POLG2: variants seen among roughly 807,000 people sequenced by gnomAD.
POLG2 encodes DNA polymerase subunit gamma-2.
POLG2 carries 50 observed loss-of-function variants against 56.5 expected under a neutral mutation model. That is an observed-to-expected ratio of 0.88 (90% CI 0.71 to 1.12). The LOEUF (loss-of-function observed/expected upper bound fraction) is 1.12, where lower values mean the gene tolerates loss of function less well. Ranked by LOEUF, POLG2 falls within the 50% of genes most tolerant of loss-of-function variation. POLG2 has a pLI of 0.00. For missense variants in POLG2, 584 were observed against 583.3 expected, an observed-to-expected ratio of 1.00 and a Z score of -0.01; for synonymous variants, 226 against 222.6, an observed-to-expected ratio of 1.02 and a Z score of -0.14.
chr17:64,488,072 T>C (rs1231658945), intron 4 of POLG2, among the ~76,000 whole-genome samples: 1 of 151,370 alleles, frequency 6.6e-6, no homozygotes, highest in Non-Finnish European at 1.5e-5. Flanking sequence ...AGATACAAAA[T>C]GGCCTAAGAG....
chr17:64,486,951 T>C (rs1460304698), intron 4 of POLG2: 1 of 152,242 alleles, frequency 6.6e-6, no homozygotes, highest in African/African-American at 2.4e-5. Context: ...ATTTCAATCC[T>C]AGAAATTTCT....
rs782099315 is a variant in POLG2 at position 64,496,519 on chromosome 17, T to G, written c.450A>C (p.Ala150=). ...CTTGCAAGATTTCGCGTAGAGTTTC[T>G]GCAGAAACTAACCTGAAGGCACTGT... ...PGDSAFRLVS[A]ETLREILQDK... Residue 150 remains alanine, a synonymous_variant, in exon 1 of 8, where the codon GCA becomes GCC. Coordinates refer to ENST00000539111, the MANE Select transcript of POLG2 (RefSeq NM_007215.4). 3 of 1,613,700 alleles carry G rather than the reference T, an allele frequency of 1.9e-6. No homozygotes were observed. In the South Asian group the frequency reaches 3.3e-5, roughly 18 times the overall value.
intron 1 of POLG2, among the ~76,000 whole-genome samples, chr17:64,494,461 G>T (rs2038116450): frequency 1.3e-5 from 2 of 152,092 alleles, no homozygotes; most frequent in Admixed American, 6.6e-5. Context: ...GATGACTGTT[G>T]CTTGAATCAA....
At chr17:64,483,703 A>G (rs1269007002) in intron 5 of POLG2, among the ~76,000 whole-genome samples, 1 of 150,476 alleles carries the variant, frequency 6.6e-6, no homozygotes, top group African/African-American at 2.4e-5. Context: ...AATGAAAAAA[A>G]TTTTTAAATG....
In POLG2 at chr17:64,497,001, T is replaced by C. The variant is rs1470283663; in HGVS notation, c.-33A>G. The C allele has an allele frequency of 2.5e-6, 4 of 1,578,810 alleles. No homozygotes were observed. The highest frequency in any genetic ancestry group is 1.1e-5 in the South Asian group (1 of 90,610). On this transcript the variant is annotated 5_prime_UTR_variant, in exon 1 of 8. The change abolishes an upstream ATG in the 5' untranslated region. Transcript: ENST00000539111. ...CGAAGTTAAAGAGCACACTCTCCCA[T>C]CACTCAACGGATCCCAACAAGCCAC... is the stretch of plus-strand genomic sequence containing the variant.
chr17:64,488,865 G>A (rs2038003979), intron 4 of POLG2, among the ~76,000 whole-genome samples: 1 of 152,088 alleles, frequency 6.6e-6, no homozygotes, highest in South Asian at 2.1e-4. Flanking sequence ...CTACTCAGGA[G>A]GCTGAGGCAG....
chr17:64,481,168 G>C (rs1386479499), intron 6 of POLG2: 2 of 558,642 alleles, frequency 3.6e-6, no homozygotes, highest in Non-Finnish European at 4.5e-6. Context: ...AATCTCTCCA[G>C]ACATTACTAA....
intron 1 of POLG2, among the ~76,000 whole-genome samples, chr17:64,496,064 T>C (rs8069026): frequency 0.28 from 42,422 of 152,238 alleles, 11,426 homozygotes; most frequent in African/African-American, 0.7. Context: ...TTCAACATTT[T>C]TACTTAGAAT....
At chr17:64,483,568 TCA>T (rs1289637483) in intron 5 of POLG2, among the ~76,000 whole-genome samples, 2 of 150,994 alleles carry the variant, frequency 1.3e-5, no homozygotes, top group African/African-American at 4.9e-5. Flanking sequence ...GACAACTCCC[TCA>T]GTCAAAATGC....
At chr17:64,491,612 C>T (rs1011241036) in intron 3 of POLG2, 7 of 1,531,610 alleles carry the variant, frequency 4.6e-6, no homozygotes, top group Non-Finnish European at 6.3e-6. Context: ...GGGACTTCAG[C>T]CCTAGTGGCC....
chr17:64,494,777 C>A (rs1555669160), intron 1 of POLG2, among the ~76,000 whole-genome samples: 1 of 152,180 alleles, frequency 6.6e-6, no homozygotes, highest in African/African-American at 2.4e-5. Context: ...TCAAGCAATT[C>A]TTTGCTTTTT....
rs2037885672 is a variant in POLG2 at position 64,482,902 on chromosome 17, AAACTCATTT to A, written c.1191+8_1191+16del. The A allele has an allele frequency of 3.7e-5, 50 of 1,352,358 alleles. No individual in the cohort carries two copies. The highest frequency in any genetic ancestry group is 9.5e-5 in the African/African-American group (5 of 52,460). The allele number at this position is 1,352,358 out of a possible 1,614,324, so 83.8% of individuals were successfully genotyped here. Reference sequence around the variant, plus strand: ...TCAATCTGTAATTAAAATGACATTTAAACTCATTTAACTCACCTGTCTTAGTTCCAATGT... The same window carrying A: ...TCAATCTGTAATTAAAATGACATTTAAACTCACCTGTCTTAGTTCCAATGT... On this transcript the variant is annotated splice_region_variant and intron_variant, in intron 6 of 7. Transcript: ENST00000539111.
chr17:64,489,020 TTC>T (rs1363337147), intron 4 of POLG2, among the ~76,000 whole-genome samples: 3 of 151,072 alleles, frequency 2.0e-5, no homozygotes, highest in Admixed American at 6.6e-5. Context: ...TATATATTTT[TTC>T]TTTTTCTTTT....
At position 64,477,969 on chromosome 17, in the gene POLG2, G is replaced by C; in HGVS notation, c.1312C>G (p.Leu438Val). The C allele has an allele frequency of 2.5e-6, 4 of 1,613,858 alleles. No individual in the cohort carries two copies. Among genetic ancestry groups the C allele is most frequent in the Non-Finnish European group, 3.4e-6 (4 of 1,179,888 alleles). The change falls in exon 8 of 8, where the codon CTC becomes GTC. Residue 438 changes from leucine (L) to valine (V), a missense_variant. Leu to Val is a conservative substitution (Grantham distance 32). Transcript: ENST00000539111. Reference sequence around the variant, plus strand: ...GTTTCAGTAACCAAAACTGTGAAGAGAATACTCATTTCATCATACCTAAGA... The same window carrying C: ...GTTTCAGTAACCAAAACTGTGAAGACAATACTCATTTCATCATACCTAAGA... The part of the protein sequence containing the change: ...LYSKYDEMSI[L>V]FTVLVTETTL...
At chr17:64,485,938 A>C in intron 4 of POLG2, 70 bp from the exon 5 acceptor site, 14 of 1,473,554 alleles carry the variant, frequency 9.5e-6, no homozygotes, top group Non-Finnish European at 1.2e-5. Flanking sequence ...TTTGAGACGG[A>C]GTCTCACTCT....
At chr17:64,491,718 G>A (rs1280376320) in intron 3 of POLG2, 4 of 900,888 alleles carry the variant, frequency 4.4e-6, no homozygotes, top group Non-Finnish European at 7.2e-6. Context: ...GGTGCTGGCA[G>A]GGTACATGCT....
intron 6 of POLG2, among the ~76,000 whole-genome samples, chr17:64,482,624 A>G (rs2037881173): frequency 6.6e-6 from 1 of 152,206 alleles, no homozygotes; most frequent in Non-Finnish European, 1.5e-5. Context: ...GACCTAAAAC[A>G]TTTTAAAAAG....
At chr17:64,485,389 C>A in intron 5 of POLG2, 1 of 298,576 alleles carries the variant, frequency 3.3e-6, no homozygotes, top group Non-Finnish European at 6.4e-6. Context: ...CTCCCTGATC[C>A]GGGTCTTTCT....
At chr17:64,492,188 T>C (rs1555668644) in intron 3 of POLG2, among the ~76,000 whole-genome samples, 1 of 152,252 alleles carries the variant, frequency 6.6e-6, no homozygotes, top group African/African-American at 2.4e-5. Flanking sequence ...GATTATTTCA[T>C]ACAGTTTAAA....
Sources: allele counts gnomAD v4.1 joint callset (sites outside exome capture counted in the v4.1 genomes callset), GRCh38; gene constraint gnomAD v4.1.1; transcripts MANE v1.5; gene names NCBI Gene and HGNC (gene_info 2026-07-23, HGNC 2026-07-21).